The following COL14A1 variants were observed in gnomAD, a reference collection of about 807,000 sequenced individuals.
The protein encoded by COL14A1 is collagen alpha-1(XIV) chain.
COL14A1 carries 136 observed loss-of-function variants against 230.3 expected under a neutral mutation model. That is an observed-to-expected ratio of 0.59 (90% CI 0.51 to 0.68). COL14A1 has a LOEUF of 0.68. Ranked by LOEUF, COL14A1 falls within the 30% of genes least tolerant of loss-of-function variation. The probability of loss-of-function intolerance (pLI) is 0.00; values close to 1 mark genes in which losing one functional copy is unlikely to be tolerated. For synonymous variants in COL14A1, 792 were observed against 784.1 expected (o/e 1.01, Z -0.17); for missense variants, 1,976 against 2,215.8 (o/e 0.89, Z 2.17).
chr8:120,229,044 C>T lies in COL14A1; in HGVS notation c.2197+275C>T, dbSNP rs957261330. On this transcript the variant is annotated intron_variant, in intron 18 of 47. Coordinates refer to ENST00000297848, the MANE Select transcript of COL14A1 (RefSeq NM_021110.4). ...TCATGCACCTTACCTGGGATGTTAA[C>T]GTAGCTGCCTCCCCAGGGGTCTTTG... Among the ~76,000 whole-genome samples, 9 of 151,784 alleles carry T rather than the reference C, an allele frequency of 5.9e-5. No individual in the cohort carries two copies. In the South Asian group the frequency reaches 6.3e-4, roughly 11 times the overall value.
intron 5 of COL14A1, among the ~76,000 whole-genome samples, chr8:120,172,649 C>T (rs1243340182): frequency 6.6e-6 from 1 of 152,152 alleles, no homozygotes; most frequent in East Asian, 1.9e-4. Flanking sequence ...TTAAGATACT[C>T]AGGGCTTGGT....
At chr8:120,264,917 G>C (rs983234162) in intron 24 of COL14A1, among the ~76,000 whole-genome samples, 6 of 152,030 alleles carry the variant, frequency 3.9e-5, no homozygotes, top group Admixed American at 6.6e-5. Context: ...CCTTGACCCC[G>C]CACTGGTTAA....
intron 15 of COL14A1, among the ~76,000 whole-genome samples, chr8:120,225,942 T>G (rs1356672981): frequency 3.3e-5 from 5 of 151,890 alleles, no homozygotes; most frequent in African/African-American, 1.2e-4. Context: ...TCCAGAAGGC[T>G]AATTCTAGTT....
chr8:120,232,933 T>C (rs1048509780), intron 19 of COL14A1, among the ~76,000 whole-genome samples: 6 of 152,202 alleles, frequency 3.9e-5, no homozygotes. Flanking sequence ...ATCTGTTGTT[T>C]CCTGACTTTT....
chr8:120,197,594 G>A (rs922709061), intron 6 of COL14A1, among the ~76,000 whole-genome samples: 1 of 151,666 alleles, frequency 6.6e-6, no homozygotes, highest in African/African-American at 2.4e-5. Flanking sequence ...ATTTATAAAT[G>A]GCTAAAAAAT....
intron 3 of COL14A1, among the ~76,000 whole-genome samples, chr8:120,161,685 C>T (rs571104697): frequency 6.6e-5 from 10 of 151,556 alleles, no homozygotes; most frequent in Non-Finnish European, 1.2e-4. Context: ...TTTTTTGAGG[C>T]GGAGTCTCGG....
intron 5 of COL14A1, among the ~76,000 whole-genome samples, chr8:120,181,956 C>G (rs922619553): frequency 6.6e-6 from 1 of 151,980 alleles, no homozygotes; most frequent in Non-Finnish European, 1.5e-5. Context: ...CTCCCCGTCA[C>G]CCCCCTCCCC....
At chr8:120,246,224 C>A (rs143831423) in intron 20 of COL14A1, among the ~76,000 whole-genome samples, 8 of 152,248 alleles carry the variant, frequency 5.3e-5, no homozygotes, top group African/African-American at 1.4e-4. Flanking sequence ...TCCCTCCTCC[C>A]GTGCTTATGC....
rs1191940919 is a variant in COL14A1 at position 120,328,386 on chromosome 8, A to AT, written c.4660-3746dup. On this transcript the variant is annotated intron_variant, in intron 40 of 47. Coordinates refer to ENST00000297848, the MANE Select transcript of COL14A1 (RefSeq NM_021110.4). ...CAGGCACAAGCCACCAGGCAGAGCA[A>AT]TTTTTTTTTAATTTTTTTTTTTTTG... is the stretch of plus-strand genomic sequence containing the variant. 2.1e-3 allele frequency among the ~76,000 whole-genome samples: 286 copies of AT among 135,390 alleles called. 1 individual carries two copies. Among genetic ancestry groups the AT allele is most frequent in the African/African-American group, 7.0e-3 (253 of 36,222 alleles). 88.8% of individuals were successfully genotyped at this position (135,390 alleles called of 152,430 possible).
chr8:120,289,413 A>G (rs1366255405), intron 33 of COL14A1, among the ~76,000 whole-genome samples, 195 bp from the exon 34 acceptor site: 1 of 152,172 alleles, frequency 6.6e-6, no homozygotes, highest in Non-Finnish European at 1.5e-5. Flanking sequence ...AATAGATAAA[A>G]ATAGAGATGG....
At chr8:120,367,455 GT>G (rs1823442682) in intron 46 of COL14A1, among the ~76,000 whole-genome samples, 1 of 152,128 alleles carries the variant, frequency 6.6e-6, no homozygotes, top group Non-Finnish European at 1.5e-5. Context: ...GGATCTTATT[GT>G]TTGTGTGAGT....
intron 5 of COL14A1, among the ~76,000 whole-genome samples, chr8:120,192,817 C>G (rs1368887604): frequency 2.0e-5 from 3 of 152,176 alleles, no homozygotes; most frequent in Non-Finnish European, 2.9e-5. Context: ...CACTGATACC[C>G]TTTCTTCCAG....
chr8:120,156,540 T>TCATCA (rs895614085), intron 2 of COL14A1, among the ~76,000 whole-genome samples: 8 of 152,314 alleles, frequency 5.3e-5, no homozygotes, highest in Admixed American at 4.6e-4. Context: ...AGATTGTCCT[T>TCATCA]CATCAGTATG....
chr8:120,149,041 A>C (rs896872242), intron 2 of COL14A1, among the ~76,000 whole-genome samples: 1 of 152,244 alleles, frequency 6.6e-6, no homozygotes, highest in African/African-American at 2.4e-5. Flanking sequence ...CAAAGCCAAA[A>C]ATATTTATCT....
At chr8:120,326,818 G>A (rs1029423267) in intron 40 of COL14A1, among the ~76,000 whole-genome samples, 2 of 152,148 alleles carry the variant, frequency 1.3e-5, no homozygotes, top group African/African-American at 4.8e-5. Context: ...TTGAGTTCGG[G>A]AGTTTGAGAC....
intron 36 of COL14A1, among the ~76,000 whole-genome samples, chr8:120,306,078 C>T (rs1032687255): frequency 2.0e-5 from 3 of 152,100 alleles, no homozygotes; most frequent in African/African-American, 7.2e-5. Context: ...TCCAGCAAGC[C>T]TCAGCCATCT....
chr8:120,189,140 T>C (rs940921786), intron 5 of COL14A1, among the ~76,000 whole-genome samples: 1 of 152,220 alleles, frequency 6.6e-6, no homozygotes, highest in Non-Finnish European at 1.5e-5. Context: ...TTATTGAACT[T>C]GAACACAGTG....
chr8:120,192,624 A>G (rs1816867470), intron 5 of COL14A1, among the ~76,000 whole-genome samples: 1 of 152,296 alleles, frequency 6.6e-6, no homozygotes, highest in East Asian at 1.9e-4. Flanking sequence ...TCTCCTGGAT[A>G]ATATCTTGCA....
In COL14A1 at chr8:120,226,652, A is replaced by G; in HGVS notation, c.1890A>G (p.Leu630=). The change falls in exon 16 of 48, where the codon TTA becomes TTG. Residue 630 remains leucine, a synonymous_variant. Transcript: ENST00000297848. The part of the protein sequence containing the change: ...TTEEVPAQQY[L]EIDEVTTDSF... ...AGGAAGTTCCAGCCCAGCAATACTT[A>G]GAAATTGATGAGGTGACGACAGACA... 1.2e-6 allele frequency: 2 copies of G among 1,613,302 alleles called. No individual in the cohort carries two copies. Among genetic ancestry groups the G allele is most frequent in the Non-Finnish European group, 1.7e-6 (2 of 1,179,430 alleles).
Sources: allele counts gnomAD v4.1 joint callset (sites outside exome capture counted in the v4.1 genomes callset), GRCh38; gene constraint gnomAD v4.1.1; transcripts MANE v1.5; gene names NCBI Gene and HGNC (gene_info 2026-07-23, HGNC 2026-07-21).